The following LRRTM4 variants were observed in gnomAD, a reference collection of about 807,000 sequenced individuals.
The protein encoded by LRRTM4 is leucine rich repeat transmembrane neuronal 4.
LRRTM4 carries 25 observed loss-of-function variants against 47.6 expected under a neutral mutation model. The ratio of observed to expected loss-of-function variants is 0.53; its 90% CI spans 0.38 to 0.73. The LOEUF (loss-of-function observed/expected upper bound fraction) is 0.73. Among genes scored for constraint, LRRTM4 ranks in the 30% least tolerant of loss-of-function variants. LRRTM4 has a pLI of 0.00. For missense variants in LRRTM4, 638 were observed against 713.4 expected (o/e 0.89, Z 1.20); for synonymous variants, 311 against 269.5 (o/e 1.15, Z -1.51).
chr2:76,917,251 T>C (rs1674283092), intron 3 of LRRTM4, among the ~76,000 whole-genome samples: 1 of 152,200 alleles, frequency 6.6e-6, no homozygotes, highest in Non-Finnish European at 1.5e-5. Context: ...GAGGCAGATT[T>C]GACTGGGCCT....
chr2:77,518,865 C>T lies in LRRTM4; in HGVS notation c.1004G>A (p.Ser335Asn). The change falls in exon 3 of 4, where the codon AGC (serine) becomes AAC (asparagine). Residue 335 changes from serine to asparagine, a missense_variant. Coordinates refer to ENST00000409884, the MANE Select transcript of LRRTM4 (RefSeq NM_001134745.3). The stretch of plus-strand genomic sequence containing the variant: ...CTTAGGTCCCGCACATATCATGGTG[C>T]TTTCCTTATTTCCTTTGAAATTCTT... ...WLKNFKGNKE[S>N]TMICAGPKHI... 1.2e-6 allele frequency: 2 copies of T among 1,606,480 alleles called. No homozygotes were observed. The highest frequency in any genetic ancestry group is 1.7e-6 in the Non-Finnish European group (2 of 1,175,826).
intron 3 of LRRTM4, among the ~76,000 whole-genome samples, chr2:77,060,788 G>T (rs1207653371): frequency 6.6e-6 from 1 of 152,016 alleles, no homozygotes; most frequent in Non-Finnish European, 1.5e-5. Context: ...TCAAAATGAG[G>T]AAAATATGGT....
At chr2:77,420,440 A>C (rs531009962) in intron 3 of LRRTM4, among the ~76,000 whole-genome samples, 73 of 152,236 alleles carry the variant, frequency 4.8e-4, no homozygotes, top group Non-Finnish European at 9.6e-4. Context: ...GGAGGTTAGA[A>C]ATTTAAACGC....
chr2:77,052,127 A>G (rs1679453110), intron 3 of LRRTM4, among the ~76,000 whole-genome samples: 1 of 142,694 alleles, frequency 7.0e-6, no homozygotes, highest in Non-Finnish European at 1.5e-5. Flanking sequence ...AAAGGAATGC[A>G]AAAAAAAATA....
chr2:77,313,920 T>G (rs528824986), intron 3 of LRRTM4, among the ~76,000 whole-genome samples: 1 of 152,352 alleles, frequency 6.6e-6, no homozygotes, highest in African/African-American at 2.4e-5. Flanking sequence ...ATCTGTTTTT[T>G]AAATTTTTTA....
At chr2:76,946,391 G>A (rs989946262) in intron 3 of LRRTM4, among the ~76,000 whole-genome samples, 2 of 151,528 alleles carry the variant, frequency 1.3e-5, no homozygotes, top group African/African-American at 2.4e-5. Flanking sequence ...TAACTATAGT[G>A]GCACATTCAA....
intron 3 of LRRTM4, among the ~76,000 whole-genome samples, chr2:76,961,677 G>A (rs533086727): frequency 3.3e-5 from 5 of 151,304 alleles, no homozygotes; most frequent in African/African-American, 4.8e-5. Context: ...ACATTAGGGC[G>A]TCACTTCAGA....
At chr2:76,899,890 C>T (rs1673563273) in intron 3 of LRRTM4, among the ~76,000 whole-genome samples, 1 of 152,138 alleles carries the variant, frequency 6.6e-6, no homozygotes, top group African/African-American at 2.4e-5. Flanking sequence ...TTTTGCATGA[C>T]ATCCATACTT....
intron 3 of LRRTM4, among the ~76,000 whole-genome samples, chr2:76,873,373 T>C (rs1357181628): frequency 6.6e-6 from 1 of 151,668 alleles, no homozygotes; most frequent in African/African-American, 2.4e-5. Context: ...CATCTGTATA[T>C]ACACACATTA....
chr2:77,223,204 T>C (rs981542079), intron 3 of LRRTM4, among the ~76,000 whole-genome samples: 2 of 152,160 alleles, frequency 1.3e-5, no homozygotes, highest in South Asian at 4.1e-4. Flanking sequence ...TGATGGGGTG[T>C]ATCTCAAAAA....
At chr2:76,972,965 A>G (rs978572333) in intron 3 of LRRTM4, among the ~76,000 whole-genome samples, 6 of 152,040 alleles carry the variant, frequency 3.9e-5, no homozygotes, top group African/African-American at 1.2e-4. Flanking sequence ...AAAGCAGTCT[A>G]TAGTATTGTG....
At chr2:77,017,552 C>T (rs1366953666) in intron 3 of LRRTM4, among the ~76,000 whole-genome samples, 1 of 152,164 alleles carries the variant, frequency 6.6e-6, no homozygotes, top group Non-Finnish European at 1.5e-5. Context: ...GTAGTGGCCA[C>T]ATCTCTCACG....
chr2:77,312,440 C>A (rs906439475), intron 3 of LRRTM4, among the ~76,000 whole-genome samples: 6 of 152,046 alleles, frequency 3.9e-5, no homozygotes. Context: ...GATCAGTAGG[C>A]TTGGCTTCAA....
intron 3 of LRRTM4, among the ~76,000 whole-genome samples, chr2:76,944,132 C>T (rs1190758304): frequency 6.6e-6 from 1 of 152,142 alleles, no homozygotes; most frequent in Non-Finnish European, 1.5e-5. Flanking sequence ...CACATCTCTT[C>T]TTACTCTATT....
At chr2:76,959,393 G>T (rs1307107998) in intron 3 of LRRTM4, among the ~76,000 whole-genome samples, 1 of 151,396 alleles carries the variant, frequency 6.6e-6, no homozygotes, top group African/African-American at 2.4e-5. Flanking sequence ...TTAGAGGTGG[G>T]TGATAAGACT....
intron 3 of LRRTM4, among the ~76,000 whole-genome samples, chr2:77,230,783 A>G (rs1205120059): frequency 2.0e-5 from 3 of 152,206 alleles, no homozygotes; most frequent in Non-Finnish European, 4.4e-5. Flanking sequence ...TGACTGACGT[A>G]GCCAAAGAGA....
At chr2:76,809,355 A>T (rs1012448901) in intron 3 of LRRTM4, among the ~76,000 whole-genome samples, 1 of 151,396 alleles carries the variant, frequency 6.6e-6, no homozygotes, top group African/African-American at 2.4e-5. Context: ...CCTCACTCCC[A>T]CTCGCCCCCT....
At chr2:77,079,028 C>T (rs1411111595) in intron 3 of LRRTM4, among the ~76,000 whole-genome samples, 1 of 152,158 alleles carries the variant, frequency 6.6e-6, no homozygotes, top group Admixed American at 6.5e-5. Context: ...GGACTAAGGC[C>T]TCGCGATCTA....
intron 3 of LRRTM4, among the ~76,000 whole-genome samples, chr2:76,920,515 G>A (rs1463372375): frequency 2.6e-5 from 4 of 152,096 alleles, no homozygotes; most frequent in Non-Finnish European, 5.9e-5. Flanking sequence ...TTTGGAACCT[G>A]GAGAAGACTT....
Sources: allele counts gnomAD v4.1 joint callset (sites outside exome capture counted in the v4.1 genomes callset), GRCh38; gene constraint gnomAD v4.1.1; transcripts MANE v1.5; gene names NCBI Gene and HGNC (gene_info 2026-07-23, HGNC 2026-07-21).